The following AURKC variants were observed in gnomAD, a reference collection of about 807,000 sequenced individuals.
AURKC encodes aurora kinase C.
In AURKC, 15 loss-of-function variants were observed where a neutral mutation model predicts 29.2. That is an observed-to-expected ratio of 0.51 (90% CI 0.34 to 0.79). The LOEUF (loss-of-function observed/expected upper bound fraction) is 0.79, where lower values mean the gene tolerates loss of function less well. Ranked by LOEUF, AURKC falls within the 30% of genes least tolerant of loss-of-function variation. AURKC has a pLI of 0.01. For synonymous variants in AURKC, 150 were observed against 149.9 expected (o/e 1.00, Z -0.01); for missense variants, 332 against 383.2 (o/e 0.87, Z 1.12).
chr19:57,232,778 A>G lies in AURKC; in HGVS notation c.435+98A>G. 1 of 1,498,740 alleles carries G rather than the reference A, an allele frequency of 6.7e-7. No homozygotes were observed. Among genetic ancestry groups the G allele is most frequent in the Non-Finnish European group, 9.2e-7 (1 of 1,083,476 alleles). 92.8% of individuals were successfully genotyped at this position (1,498,740 alleles called of 1,614,324 possible). The stretch of plus-strand genomic sequence containing the variant: ...TCAGGAGGGTCCGCATTGCCTTCTG[A>G]GAAGTTTACTTCTGAATGTTATTGT... On this transcript the variant is annotated intron_variant, in intron 4 of 6. Transcript: ENST00000302804. The surrounding 1 kb of genome is among the most constrained non-coding windows in gnomAD (Gnocchi z 4.5).
In AURKC at chr19:57,232,563, G is replaced by A. The variant is rs754049495; in HGVS notation, c.318G>A (p.Leu106=). The change falls in exon 4 of 7, where the codon CTG becomes CTA. Residue 106 remains leucine, a synonymous_variant. Transcript: ENST00000302804. The surrounding 1 kb of genome is among the most constrained non-coding windows in gnomAD (Gnocchi z 4.5). The part of the protein sequence containing the change: ...AHLQHPNILR[L]YNYFHDARRV... The stretch of plus-strand genomic sequence containing the variant: ...TCAGACACCCCAATATCCTGCGCCT[G>A]TATAACTATTTCCATGATGCACGCC... The A allele has an allele frequency of 3.1e-6, 5 of 1,614,148 alleles. No homozygotes were observed. The highest frequency in any genetic ancestry group is 3.4e-6 in the Non-Finnish European group (4 of 1,180,038).
rs545627361 is a variant in AURKC, at chr19:57,231,060, C to G, written c.-189C>G. 1 of 1,384,590 alleles carries G rather than the reference C, an allele frequency of 7.2e-7. No homozygotes were observed. Among genetic ancestry groups the G allele is most frequent in the African/African-American group, 1.4e-5 (1 of 71,084 alleles). 85.8% of individuals were successfully genotyped at this position (1,384,590 alleles called of 1,614,324 possible). A position where few individuals can be genotyped will look rare whatever the true frequency, so the allele number is the denominator to read the frequency against. ...CCGGGTATAAAAGAAGGCCGCGCAG[C>G]CACGGCTGCTCACGACGCCGCGGAT... On this transcript the variant is annotated 5_prime_UTR_variant, in exon 1 of 7. Coordinates refer to ENST00000302804, the MANE Select transcript of AURKC (RefSeq NM_001015878.2).
Position 57,234,865 on chromosome 19 carries a change from CT to C in AURKC, c.585-15del. The C allele has an allele frequency of 2.5e-6, 4 of 1,614,096 alleles. No homozygotes were observed. The highest frequency in any genetic ancestry group is 3.4e-6 in the Non-Finnish European group (4 of 1,180,014). ...TGGGCCTCTGCTTAGTACTTATTCC[CT>C]TTTCTGCCTTCCTCTAGGAGGAAGA... On this transcript the variant is annotated intron_variant, in intron 5 of 6. Transcript: ENST00000302804.
At position 57,232,316 on chromosome 19, in the gene AURKC, C is replaced by A. The variant is rs1420939213; in HGVS notation, c.296+92C>A. 1.3e-6 allele frequency: 2 copies of A among 1,504,208 alleles called. No homozygotes were observed. Among genetic ancestry groups the A allele is most frequent in the Non-Finnish European group, 9.1e-7 (1 of 1,100,372 alleles). The allele number at this position is 1,504,208 out of a possible 1,614,324, so 93.2% of individuals were successfully genotyped here. The stretch of plus-strand genomic sequence containing the variant: ...ACCCCAAGTAAACCCTGCACTTGTA[C>A]CTTGAAGACTTCTCTGCAGTTCATT... On this transcript the variant is annotated intron_variant, in intron 3 of 6. Coordinates refer to ENST00000302804, the MANE Select transcript of AURKC (RefSeq NM_001015878.2). This position sits in a 1 kb window ranked among gnomAD's most constrained non-coding sequence, Gnocchi z 4.5.
In AURKC at chr19:57,233,618, G is replaced by A. The variant is rs181340503; in HGVS notation, c.584+10G>A. ...ACACCCCCTCCCTGAGGTAGGTCAG[G>A]TGGTGGTGGTAGGGTGAGTTCTGAG... On this transcript the variant is annotated intron_variant, in intron 5 of 6. Coordinates refer to ENST00000302804, the MANE Select transcript of AURKC (RefSeq NM_001015878.2). 1.0e-4 allele frequency: 166 copies of A among 1,613,404 alleles called. 1 individual carries two copies. The Admixed American group carries it at 1.5e-3, about 14-fold the overall frequency.
chr19:57,232,694 C>A lies in AURKC; in HGVS notation c.435+14C>A. The A allele has an allele frequency of 6.2e-7, 1 of 1,612,768 alleles. No homozygotes were observed. Among genetic ancestry groups the A allele is most frequent in the Non-Finnish European group, 8.5e-7 (1 of 1,180,020 alleles). On this transcript the variant is annotated intron_variant, in intron 4 of 6. Coordinates refer to ENST00000302804, the MANE Select transcript of AURKC (RefSeq NM_001015878.2). The surrounding 1 kb of genome is among the most constrained non-coding windows in gnomAD (Gnocchi z 4.5). ...CGCACAGCCACGGTGAGGTGCGGGT[C>A]TGGAGGCTCTGGGGTCTCTGAGTTT...
intron 6 of AURKC, 62 bp downstream of exon 6, chr19:57,235,120 G>GGC (rs976012883): frequency 3.7e-6 from 6 of 1,610,588 alleles, no homozygotes; most frequent in Non-Finnish European, 2.5e-6. Context: ...CTGGGCTGTG[G>GGC]GCACACACAC....
chr19:57,231,581 C>T (rs1467472323), intron 1 of AURKC, 161 bp from the exon 2 acceptor site: 1 of 820,960 alleles, frequency 1.2e-6, no homozygotes, highest in Non-Finnish European at 2.0e-6. Context: ...TCTCCCTCCC[C>T]CTCTCCCTGC....
rs777652608 is a variant in AURKC at position 57,232,019 on chromosome 19, T to A, written c.105-14T>A. ...ACCTCCCAAGCTGAGGCTTTTTTCT[T>A]CCTCTCCTGTCAGGCGGCGCCTCAC... is the stretch of plus-strand genomic sequence containing the variant. On this transcript the variant is annotated splice_polypyrimidine_tract_variant and intron_variant, in intron 2 of 6. Coordinates refer to ENST00000302804, the MANE Select transcript of AURKC (RefSeq NM_001015878.2). This position sits in a 1 kb window ranked among gnomAD's most constrained non-coding sequence, Gnocchi z 4.5. 8.7e-6 allele frequency: 14 copies of A among 1,614,000 alleles called. No homozygotes were observed. In the South Asian group the frequency reaches 1.3e-4, roughly 15 times the overall value.
chr19:57,231,852 C>G, intron 2 of AURKC, 65 bp downstream of exon 2: 1 of 1,613,566 alleles, frequency 6.2e-7, no homozygotes, highest in Non-Finnish European at 8.5e-7. Flanking sequence ...GAAGAACAGA[C>G]TGGGTGTGTG....
In AURKC at chr19:57,232,353, A is replaced by G; in HGVS notation, c.296+129A>G. Reference sequence around the variant, plus strand: ...CTCTGCAGTTCATTCCATTTACACTACCTCCTACCCTGGGTCAGACACTCG... The same window carrying G: ...CTCTGCAGTTCATTCCATTTACACTGCCTCCTACCCTGGGTCAGACACTCG... On this transcript the variant is annotated intron_variant, in intron 3 of 6. Coordinates refer to ENST00000302804, the MANE Select transcript of AURKC (RefSeq NM_001015878.2). This position sits in a 1 kb window ranked among gnomAD's most constrained non-coding sequence, Gnocchi z 4.5. 7.2e-7 allele frequency: 1 copy of G among 1,394,850 alleles called. No individual in the cohort carries two copies. The highest frequency in any genetic ancestry group is 9.9e-7 in the Non-Finnish European group (1 of 1,005,318). The allele number at this position is 1,394,850 out of a possible 1,614,324, so 86.4% of individuals were successfully genotyped here.
In AURKC at chr19:57,232,795, T is replaced by C; in HGVS notation, c.435+115T>C. 1 of 1,360,470 alleles carries C rather than the reference T, an allele frequency of 7.4e-7. No individual in the cohort carries two copies. Among genetic ancestry groups the C allele is most frequent in the Non-Finnish European group, 1.0e-6 (1 of 966,472 alleles). 84.3% of individuals were successfully genotyped at this position (1,360,470 alleles called of 1,614,324 possible). The stretch of plus-strand genomic sequence containing the variant: ...GCCTTCTGAGAAGTTTACTTCTGAA[T>C]GTTATTGTGTAAATTTAATATAATG... On this transcript the variant is annotated intron_variant, in intron 4 of 6. Coordinates refer to ENST00000302804, the MANE Select transcript of AURKC (RefSeq NM_001015878.2). The surrounding 1 kb of genome is among the most constrained non-coding windows in gnomAD (Gnocchi z 4.5).
rs560403104 is a variant in AURKC at position 57,234,947 on chromosome 19, T to C, written c.648T>C (p.Tyr216=). Reference sequence around the variant, plus strand: ...CAGAAATGATTGAGGGGAGAACATATGATGAAAAGGTGGATTTGTGGTGCA... The same window carrying C: ...CAGAAATGATTGAGGGGAGAACATACGATGAAAAGGTGGATTTGTGGTGCA... ...LPPEMIEGRT[Y]DEKVDLWCIG... Residue 216 remains tyrosine, a synonymous_variant, in exon 6 of 7, where the codon TAT becomes TAC. Coordinates refer to ENST00000302804, the MANE Select transcript of AURKC (RefSeq NM_001015878.2). The C allele has an allele frequency of 1.9e-6, 3 of 1,614,134 alleles. No individual in the cohort carries two copies. Among genetic ancestry groups the C allele is most frequent in the East Asian group, 2.2e-5 (1 of 44,876 alleles).
In AURKC at chr19:57,231,434, C is replaced by G. The variant is rs1265078006; in HGVS notation, c.58+128C>G. 3 of 1,067,402 alleles carry G rather than the reference C, an allele frequency of 2.8e-6. No homozygotes were observed. In the African/African-American group the frequency reaches 4.7e-5, roughly 17 times the overall value. The allele number at this position is 1,067,402 out of a possible 1,614,324, so 66.1% of individuals were successfully genotyped here. ...CCTCCCCAACGCTCTTCTTTTCTCC[C>G]CACTCCCTCCCTTCCCTCCAATTCT... On this transcript the variant is annotated intron_variant, in intron 1 of 6. Coordinates refer to ENST00000302804, the MANE Select transcript of AURKC (RefSeq NM_001015878.2).
At chr19:57,233,331 A>C in intron 4 of AURKC, 129 bp from the exon 5 acceptor site, 1 of 1,351,396 alleles carries the variant, frequency 7.4e-7, no homozygotes, top group Non-Finnish European at 1.1e-6. Flanking sequence ...GTGCAATTTA[A>C]AAGGAGGAAA....
chr19:57,231,954 G>A (rs1307021509), intron 2 of AURKC, 79 bp from the exon 3 acceptor site: 2 of 1,601,750 alleles, frequency 1.2e-6, no homozygotes, highest in Non-Finnish European at 1.7e-6. Flanking sequence ...GAAAGAGGAA[G>A]GGGAGCATTG....
chr19:57,234,308 G>A (rs187297994), intron 5 of AURKC, among the ~76,000 whole-genome samples: 6 of 152,138 alleles, frequency 3.9e-5, no homozygotes, highest in Admixed American at 1.3e-4. Context: ...TGCCTGCCTC[G>A]GCCTCCCAAA....
chr19:57,233,429 C>T (rs374182297), intron 4 of AURKC, 31 bp from the exon 5 acceptor site: 58 of 1,613,962 alleles, frequency 3.6e-5, no homozygotes, highest in Non-Finnish European at 4.6e-5. Context: ...GCAGGCTTCA[C>T]TTCCAGGGTG....
chr19:57,234,587 A>G (rs894684928), intron 5 of AURKC, among the ~76,000 whole-genome samples: 7 of 152,320 alleles, frequency 4.6e-5, no homozygotes, highest in South Asian at 4.1e-4. Context: ...TCATTGATAC[A>G]CCATCAGTTT....
Sources: gnomAD v4.1 joint callset for allele counts (sites outside exome capture counted in the v4.1 genomes callset) on GRCh38, gnomAD v4.1.1 for gene constraint, Gnocchi (gnomAD v3.1) non-coding constraint, MANE v1.5 for transcripts, NCBI Gene and HGNC (gene_info 2026-07-23, HGNC 2026-07-21) for gene names.